Variants in CGNL1 observed in about 807,000 individuals in gnomAD.
The protein encoded by CGNL1 is cingulin-like protein 1.
A neutral mutation model predicts 141.2 loss-of-function variants in CGNL1; 132 were observed. The ratio of observed to expected loss-of-function variants is 0.93; its 90% CI spans 0.81 to 1.08. The LOEUF is 1.08. Ranked by LOEUF, CGNL1 falls within the 50% of genes least tolerant of loss-of-function variation. The pLI is 0.00. For synonymous variants in CGNL1, 690 were observed against 622.1 expected, an observed-to-expected ratio of 1.11 and a Z score of -1.63; for missense variants, 1,870 against 1,588.6, an observed-to-expected ratio of 1.18 and a Z score of -3.01.
chr15:57,402,924 G>A (rs1205755391), intron 1 of CGNL1, among the ~76,000 whole-genome samples: 1 of 152,166 alleles, frequency 6.6e-6, no homozygotes, highest in Non-Finnish European at 1.5e-5. Flanking sequence ...CAAGACAGCA[G>A]GCAGAAGACA....
At chr15:57,431,211 A>G (rs1053441884) in intron 1 of CGNL1, among the ~76,000 whole-genome samples, 4 of 152,208 alleles carry the variant, frequency 2.6e-5, no homozygotes, top group Admixed American at 2.6e-4. Context: ...TGTCAGGTTC[A>G]TTTGAAGACA....
At chr15:57,433,488 G>C (rs1255113676) in intron 1 of CGNL1, among the ~76,000 whole-genome samples, 1 of 152,314 alleles carries the variant, frequency 6.6e-6, no homozygotes, top group Admixed American at 6.5e-5. Flanking sequence ...GCTGGCTGAG[G>C]GTTAGACCCC....
At chr15:57,450,054 A>G (rs1358842442) in intron 4 of CGNL1, among the ~76,000 whole-genome samples, 2 of 152,200 alleles carry the variant, frequency 1.3e-5, no homozygotes, top group Non-Finnish European at 2.9e-5. Flanking sequence ...TGAGACTTCA[A>G]CTAATTTGGG....
chr15:57,447,806 G>A (rs760236218), intron 4 of CGNL1, among the ~76,000 whole-genome samples: 2 of 4,018 alleles, frequency 5.0e-4, no homozygotes, highest in South Asian at 9.6e-3. Context: ...CTCTCTTTTC[G>A]TGTGTGTGTG....
At chr15:57,504,028 C>T (rs750006243) in intron 8 of CGNL1, among the ~76,000 whole-genome samples, 6 of 152,026 alleles carry the variant, frequency 3.9e-5, no homozygotes, top group African/African-American at 1.5e-4. Context: ...GTGCTGAGTA[C>T]GCTGGGAGTG....
intron 8 of CGNL1, among the ~76,000 whole-genome samples, chr15:57,501,642 T>C (rs764319301): frequency 6.6e-6 from 1 of 151,914 alleles, no homozygotes; most frequent in Non-Finnish European, 1.5e-5. Context: ...TGTCTGATTT[T>C]CCCCCAGAAG....
chr15:57,528,468 C>T (rs1053364451), intron 12 of CGNL1, among the ~76,000 whole-genome samples, 186 bp from the exon 13 acceptor site: 3 of 152,066 alleles, frequency 2.0e-5, no homozygotes, highest in Admixed American at 6.5e-5. Flanking sequence ...TGGAAAACCT[C>T]CTCTTTTTAC....
chr15:57,461,919 C>G (rs1178963481), intron 8 of CGNL1, 27 bp downstream of exon 8: 1 of 1,574,496 alleles, frequency 6.4e-7, no homozygotes. Context: ...GAGAATCTGG[C>G]TTGTGAACAG....
chr15:57,530,391 G>A (rs888520067), intron 13 of CGNL1, among the ~76,000 whole-genome samples: 3 of 152,208 alleles, frequency 2.0e-5, no homozygotes, highest in Admixed American at 1.3e-4. Context: ...CATGAGATGC[G>A]CTTGAGGGGT....
intron 1 of CGNL1, among the ~76,000 whole-genome samples, chr15:57,436,117 A>G (rs778968886): frequency 5.3e-5 from 8 of 152,218 alleles, no homozygotes; most frequent in Non-Finnish European, 1.2e-4. Context: ...AGAAAATAGT[A>G]ATAGAAACAT....
chr15:57,489,976 T>C (rs1471436977), intron 8 of CGNL1, among the ~76,000 whole-genome samples: 1 of 151,978 alleles, frequency 6.6e-6, no homozygotes, highest in Admixed American at 6.5e-5. Flanking sequence ...TGTCTGGAGG[T>C]TGGGGAAGCA....
intron 1 of CGNL1, among the ~76,000 whole-genome samples, chr15:57,395,950 A>G (rs1468655955): frequency 2.6e-5 from 4 of 152,202 alleles, no homozygotes; most frequent in Non-Finnish European, 5.9e-5. Context: ...TTTTCAACAA[A>G]GTTGCCTACT....
chr15:57,456,048 C>T (rs1381817987), intron 7 of CGNL1, among the ~76,000 whole-genome samples: 1 of 152,210 alleles, frequency 6.6e-6, no homozygotes, highest in African/African-American at 2.4e-5. Flanking sequence ...AAATCACCCT[C>T]TGTTTTTATC....
chr15:57,447,180 T>A (rs1754861259), intron 4 of CGNL1, among the ~76,000 whole-genome samples: 1 of 152,212 alleles, frequency 6.6e-6, no homozygotes, highest in South Asian at 2.1e-4. Flanking sequence ...TGTCTTAGCA[T>A]CTCTCAGCAG....
At chr15:57,523,390 G>T (rs924058057) in intron 10 of CGNL1, 99 bp from the exon 11 acceptor site, 1 of 978,278 alleles carries the variant, frequency 1.0e-6, no homozygotes, top group Non-Finnish European at 1.6e-6. Flanking sequence ...TAACAGATCT[G>T]ATTGCTTTGC....
rs1157297838 is a variant in CGNL1, at chr15:57,442,437, T to C, written c.1762T>C (p.Leu588=). Residue 588 remains leucine, a synonymous_variant, in exon 4 of 19, where the codon TTA becomes CTA. Transcript: ENST00000281282. ...VNLVFEKIQT[L]KSRAAGSAQG... The stretch of plus-strand genomic sequence containing the variant: ...CTTGGTCTTTGAGAAAATCCAGACC[T>C]TAAAGTCTCGAGCAGCTGGGAGCGC... 1.9e-6 allele frequency: 3 copies of C among 1,613,640 alleles called. No individual in the cohort carries two copies. The highest frequency in any genetic ancestry group is 2.5e-6 in the Non-Finnish European group (3 of 1,179,668).
intron 8 of CGNL1, among the ~76,000 whole-genome samples, chr15:57,489,704 T>G (rs1300191255): frequency 1.3e-5 from 2 of 152,196 alleles, no homozygotes; most frequent in Non-Finnish European, 2.9e-5. Context: ...ACTATTCTGT[T>G]CCTCTTAAGT....
chr15:57,404,152 G>A (rs1311325159), intron 1 of CGNL1, among the ~76,000 whole-genome samples: 1 of 152,224 alleles, frequency 6.6e-6, no homozygotes, highest in Non-Finnish European at 1.5e-5. Flanking sequence ...AAGCCCAGAA[G>A]CCAGGGATCT....
intron 8 of CGNL1, among the ~76,000 whole-genome samples, chr15:57,484,181 G>A (rs1477425373): frequency 6.6e-6 from 1 of 152,138 alleles, no homozygotes. Flanking sequence ...TAGAATTGAT[G>A]TTTATTCTTT....
Sources: gnomAD v4.1 joint callset for allele counts (sites outside exome capture counted in the v4.1 genomes callset) on GRCh38, gnomAD v4.1.1 for gene constraint, MANE v1.5 for transcripts, NCBI Gene and HGNC (gene_info 2026-07-23, HGNC 2026-07-21) for gene names.